The following TNR variants were observed in gnomAD, a reference collection of about 807,000 sequenced individuals.
TNR encodes the protein tenascin-R.
TNR carries 45 observed loss-of-function variants against 150.4 expected under a neutral mutation model. The ratio of observed to expected loss-of-function variants is 0.30; its 90% confidence interval spans 0.24 to 0.38. TNR has a LOEUF of 0.38. Ranked by LOEUF, TNR falls within the 10% of genes least tolerant of loss-of-function variation. The pLI is 1.00. For synonymous variants in TNR, 687 were observed against 678.4 expected, an observed-to-expected ratio of 1.01 and a Z score of -0.20; for missense variants, 1,544 against 1,759.1, an observed-to-expected ratio of 0.88 and a Z score of 2.19.
intron 1 of TNR, among the ~76,000 whole-genome samples, chr1:175,694,242 A>G (rs993192719): frequency 6.6e-6 from 1 of 152,116 alleles, no homozygotes; most frequent in Non-Finnish European, 1.5e-5. Flanking sequence ...ACACTCCACA[A>G]TCAGAACAAA....
chr1:175,692,713 G>T (rs1666406301), intron 1 of TNR, among the ~76,000 whole-genome samples: 1 of 152,168 alleles, frequency 6.6e-6, no homozygotes, highest in South Asian at 2.1e-4. Flanking sequence ...CTCATGAAAA[G>T]GGCAGTGGGA....
In TNR at chr1:175,406,722, G is replaced by A; in HGVS notation, c.-8C>T. The A allele has an allele frequency of 6.2e-7, 1 of 1,612,380 alleles. No homozygotes were observed. The highest frequency in any genetic ancestry group is 8.5e-7 in the Non-Finnish European group (1 of 1,179,098). On this transcript the variant is annotated 5_prime_UTR_variant, in exon 3 of 23. Coordinates refer to ENST00000367674, the MANE Select transcript of TNR (RefSeq NM_003285.3). The stretch of plus-strand genomic sequence containing the variant: ...TTCCCCATCTGCCCCCATCCTCTCA[G>A]CCAGAGATCTGGGTTCAGGACCAGC...
chr1:175,349,744 T>C (rs1249996258), intron 18 of TNR, among the ~76,000 whole-genome samples: 1 of 152,218 alleles, frequency 6.6e-6, no homozygotes, highest in Non-Finnish European at 1.5e-5. Context: ...TTGAAACCTC[T>C]GATCTGACAC....
chr1:175,644,234 C>T (rs1361187397), intron 1 of TNR, among the ~76,000 whole-genome samples: 1 of 152,192 alleles, frequency 6.6e-6, no homozygotes, highest in Non-Finnish European at 1.5e-5. Context: ...CAACAGCACG[C>T]CATTCCTCCC....
At chr1:175,374,831 C>T (rs959056139) in intron 9 of TNR, among the ~76,000 whole-genome samples, 17 of 152,158 alleles carry the variant, frequency 1.1e-4, no homozygotes, top group African/African-American at 3.9e-4. Context: ...GCACGGTGCT[C>T]CTGTGACCGT....
rs148516417 is a variant in TNR at position 175,580,371 on chromosome 1, T to TG, written c.-164-52003dup. 1.7e-3 allele frequency among the ~76,000 whole-genome samples: 263 copies of TG among 152,258 alleles called. 4 individuals are homozygous for TG. The East Asian group carries it at 0.042, about 24-fold the overall frequency. ...AATGAATGAAGCCTGACACTGTACC[T>TG]GGGGGGTCTCTATTTGCATATGAAA... On this transcript the variant is annotated intron_variant, in intron 1 of 22. Transcript: ENST00000367674.
intron 1 of TNR, among the ~76,000 whole-genome samples, chr1:175,738,507 G>A (rs76162333): frequency 0.05 from 7,679 of 152,272 alleles, 309 homozygotes; most frequent in East Asian, 0.22. Context: ...CCAAGGGCTG[G>A]GGGAGGAGGA....
chr1:175,616,204 G>A (rs1663768310), intron 1 of TNR, among the ~76,000 whole-genome samples: 2 of 152,082 alleles, frequency 1.3e-5, no homozygotes, highest in Admixed American at 6.6e-5. Context: ...ATTCTCTGGG[G>A]GATGCATTTT....
intron 2 of TNR, among the ~76,000 whole-genome samples, chr1:175,431,853 G>A (rs1277167824): frequency 1.4e-5 from 2 of 144,306 alleles, no homozygotes; most frequent in African/African-American, 5.3e-5. Flanking sequence ...TCTCACAGGG[G>A]TGGAGGCAGG....
chr1:175,550,827 T>C (rs1571595146), intron 1 of TNR, among the ~76,000 whole-genome samples: 1 of 147,358 alleles, frequency 6.8e-6, no homozygotes, highest in Admixed American at 6.7e-5. Context: ...AACAACAAAA[T>C]AGGATCCTAC....
chr1:175,440,879 C>T (rs562075951), intron 2 of TNR, among the ~76,000 whole-genome samples: 4 of 151,968 alleles, frequency 2.6e-5, no homozygotes, highest in Admixed American at 6.6e-5. Context: ...GGACTGGTGT[C>T]CTTAAGTAGG....
intron 2 of TNR, among the ~76,000 whole-genome samples, chr1:175,435,777 G>A (rs960218624): frequency 6.6e-5 from 10 of 152,282 alleles, no homozygotes; most frequent in Non-Finnish European, 1.2e-4. Context: ...GGCTGGTACC[G>A]GTTGTTCCTT....
intron 2 of TNR, among the ~76,000 whole-genome samples, chr1:175,497,721 C>A (rs1163267551): frequency 6.6e-6 from 1 of 152,094 alleles, no homozygotes; most frequent in Non-Finnish European, 1.5e-5. Flanking sequence ...ATGAGTCGGT[C>A]CCTTGGATTC....
chr1:175,331,162 T>TTCCTTCC lies in TNR; in HGVS notation c.3632-928_3632-927insGGAAGGA, dbSNP rs1649883236. 5.9e-4 allele frequency among the ~76,000 whole-genome samples: 42 copies of TTCCTTCC among 70,910 alleles called. 1 individual carries two copies. Among genetic ancestry groups the TTCCTTCC allele is most frequent in the South Asian group, 1.6e-3 (3 of 1,860 alleles). 46.5% of individuals were successfully genotyped at this position (70,910 alleles called of 152,430 possible). ...TTCTTTCTTCCTTTCTTTCTTTTTC[T>TTCCTTCC]TTCCTTCCTTCCTTCCTTCCTTCCT... On this transcript the variant is annotated intron_variant, in intron 20 of 22. Transcript: ENST00000367674.
At chr1:175,635,463 T>C (rs1664464854) in intron 1 of TNR, among the ~76,000 whole-genome samples, 1 of 152,228 alleles carries the variant, frequency 6.6e-6, no homozygotes, top group Non-Finnish European at 1.5e-5. Flanking sequence ...TTTCTTATCA[T>C]GACTCCATAT....
At chr1:175,550,778 A>G (rs79572749) in intron 1 of TNR, among the ~76,000 whole-genome samples, 1 of 147,550 alleles carries the variant, frequency 6.8e-6, no homozygotes, top group African/African-American at 2.5e-5. Context: ...AGGGAACAGG[A>G]AAAAAAAAAC....
At chr1:175,573,856 C>T (rs1661987446) in intron 1 of TNR, among the ~76,000 whole-genome samples, 1 of 152,202 alleles carries the variant, frequency 6.6e-6, no homozygotes, top group African/African-American at 2.4e-5. Flanking sequence ...ATGAGCTCTG[C>T]CTTCTCTGAA....
intron 1 of TNR, among the ~76,000 whole-genome samples, chr1:175,548,383 C>T (rs775122837): frequency 1.3e-5 from 2 of 151,960 alleles, no homozygotes; most frequent in Non-Finnish European, 2.9e-5. Flanking sequence ...AGTAGCTGCA[C>T]GAGGAGTCTC....
chr1:175,492,020 G>A (rs1347564775), intron 2 of TNR, among the ~76,000 whole-genome samples: 1 of 32,714 alleles, frequency 3.1e-5, no homozygotes, highest in Non-Finnish European at 5.4e-5. Flanking sequence ...CATGAAGGAA[G>A]ACCACTCATT....
Sources: allele counts gnomAD v4.1 joint callset (sites outside exome capture counted in the v4.1 genomes callset), GRCh38; gene constraint gnomAD v4.1.1; transcripts MANE v1.5; gene names NCBI Gene and HGNC (gene_info 2026-07-23, HGNC 2026-07-21).